Variants in TIMP2 observed in about 807,000 individuals in gnomAD.
The protein encoded by TIMP2 is metalloproteinase inhibitor 2.
A neutral mutation model predicts 24.3 loss-of-function variants in TIMP2; 5 were observed. The observed-to-expected ratio is 0.21, with a 90% confidence interval of 0.11 to 0.43. TIMP2 has a LOEUF of 0.43. Among genes scored for constraint, TIMP2 ranks in the 20% least tolerant of loss-of-function variants. TIMP2 has a pLI of 1.00. For missense variants in TIMP2, 221 were observed against 297.5 expected (o/e 0.74, Z 1.89); for synonymous variants, 130 against 123.2 (o/e 1.06, Z -0.37).
chr17:78,912,977 G>A (rs998701668), intron 1 of TIMP2, among the ~76,000 whole-genome samples: 3 of 152,130 alleles, frequency 2.0e-5, no homozygotes, highest in Admixed American at 6.5e-5. Context: ...GGCCGAGGCG[G>A]GCAGATCACC....
intron 1 of TIMP2, chr17:78,900,079 A>C (rs1173755224): frequency 1.3e-5 from 2 of 152,104 alleles, no homozygotes; most frequent in African/African-American, 4.8e-5. Flanking sequence ...TTGGGATGAT[A>C]ATATAGGAAA....
chr17:78,895,714 G>C (rs1343015098), intron 1 of TIMP2, among the ~76,000 whole-genome samples: 1 of 152,318 alleles, frequency 6.6e-6, no homozygotes, highest in South Asian at 2.1e-4. Context: ...TCACATGGAG[G>C]AGTTGGCCTC....
At chr17:78,874,041 C>T (rs1007388478) in intron 1 of TIMP2, 122 bp from the exon 2 acceptor site, 12 of 794,256 alleles carry the variant, frequency 1.5e-5, no homozygotes, top group East Asian at 2.6e-5. Context: ...CAGCAAGGTG[C>T]GAGACGGGCA....
chr17:78,898,084 A>G (rs1282844473), intron 1 of TIMP2: 4 of 152,210 alleles, frequency 2.6e-5, no homozygotes, highest in African/African-American at 9.7e-5. Context: ...GAGAGGCTGA[A>G]TAACTTTCCC....
At chr17:78,878,262 C>T (rs77678266) in intron 1 of TIMP2, among the ~76,000 whole-genome samples, 2,371 of 152,234 alleles carry the variant, frequency 0.016, 65 homozygotes, top group African/African-American at 0.054. Context: ...TGGATGGCTG[C>T]GTGATCTTTG....
chr17:78,860,769 C>T (rs1468552745), intron 3 of TIMP2, among the ~76,000 whole-genome samples: 1 of 152,204 alleles, frequency 6.6e-6, no homozygotes, highest in Non-Finnish European at 1.5e-5. Flanking sequence ...GGCATGGTGG[C>T]TCACACCTGT....
Position 78,891,931 on chromosome 17 carries a change from G to A in TIMP2, c.131-18012C>T, listed in dbSNP as rs905804280. 5.2e-6 allele frequency: 8 copies of A among 1,550,458 alleles called. No individual in the cohort carries two copies. The African/African-American group carries it at 6.8e-5, about 13-fold the overall frequency. On this transcript the variant is annotated intron_variant, in intron 1 of 4. Coordinates refer to ENST00000262768, the MANE Select transcript of TIMP2 (RefSeq NM_003255.5). This position sits in a 1 kb window ranked among gnomAD's most constrained non-coding sequence, Gnocchi z 4.5. ...TCGCTGCTGTCTTCCGGGGCCTGGA[G>A]TGCCTGGGGTGTTGCTGGCCCAACT... is the stretch of plus-strand genomic sequence containing the variant.
intron 1 of TIMP2, among the ~76,000 whole-genome samples, chr17:78,916,155 G>A (rs75970925): frequency 0.013 from 2,004 of 152,248 alleles, 29 homozygotes; most frequent in African/African-American, 0.045. Flanking sequence ...CACTAGCTCC[G>A]AGAGCTTCCT....
Position 78,853,970 on chromosome 17 carries a change from C to G in TIMP2, c.*1697G>C, listed in dbSNP as rs141350155. The G allele has an allele frequency of 1.3e-5, 2 of 152,234 alleles. No homozygotes were observed. The highest frequency in any genetic ancestry group is 4.8e-5 in the African/African-American group (2 of 41,520). The allele number at this position is 152,234 out of a possible 1,614,324, so 9.4% of individuals were successfully genotyped here. The stretch of plus-strand genomic sequence containing the variant: ...GGTCACTGTACAGCATGAAAACGCC[C>G]GTGGGGCAGGGGCCGATTCCTGGAT... On this transcript the variant is annotated 3_prime_UTR_variant, in exon 5 of 5. Coordinates refer to ENST00000262768, the MANE Select transcript of TIMP2 (RefSeq NM_003255.5).
At chr17:78,879,330 T>G (rs4796815) in intron 1 of TIMP2, among the ~76,000 whole-genome samples, 142,527 of 152,224 alleles carry the variant, frequency 0.94, 66,858 homozygotes, top group African/African-American at 0.98. Flanking sequence ...GGACCACCAG[T>G]TCTGTAGGGG....
Position 78,925,096 on chromosome 17 carries a change from CGGGGGGCTGGGCGGGCG to C in TIMP2, c.-25_-9del, listed in dbSNP as rs2070340118. ...GCGGGCCGCGGCGCCCATGGCGGGC[CGGGGGGCTGGGCGGGCG>C]GGGGCCGCCGCTGGGGGGTCCGGGC... On this transcript the variant is annotated 5_prime_UTR_variant, in exon 1 of 5. Coordinates refer to ENST00000262768, the MANE Select transcript of TIMP2 (RefSeq NM_003255.5). The C allele has an allele frequency of 1.1e-4, 3 of 26,806 alleles. No homozygotes were observed. The highest frequency in any genetic ancestry group is 1.7e-4 in the Non-Finnish European group (3 of 17,304). 1.7% of individuals were successfully genotyped at this position (26,806 alleles called of 1,614,324 possible).
Position 78,924,878 on chromosome 17 carries a change from G to C in TIMP2, c.130+81C>G, listed in dbSNP as rs1377465050. On this transcript the variant is annotated intron_variant, in intron 1 of 4. Coordinates refer to ENST00000262768, the MANE Select transcript of TIMP2 (RefSeq NM_003255.5). The surrounding 1 kb of genome is among the most constrained non-coding windows in gnomAD (Gnocchi z 5.3). The stretch of plus-strand genomic sequence containing the variant: ...GCGCTGGGGTCCCTCGGCCAGCGGC[G>C]GGCGGGCGGGGCGTCTGCGAACCCT... 1 of 941,820 alleles carries C rather than the reference G, an allele frequency of 1.1e-6. No individual in the cohort carries two copies. The highest frequency in any genetic ancestry group is 1.3e-6 in the Non-Finnish European group (1 of 751,084). 58.3% of individuals were successfully genotyped at this position (941,820 alleles called of 1,614,324 possible).
chr17:78,915,297 G>A (rs1811939579), intron 1 of TIMP2, among the ~76,000 whole-genome samples: 1 of 152,106 alleles, frequency 6.6e-6, no homozygotes, highest in South Asian at 2.1e-4. Flanking sequence ...TGTTGCGGCA[G>A]GGAGAAAGAT....
At chr17:78,911,159 T>C (rs1186827407) in intron 1 of TIMP2, among the ~76,000 whole-genome samples, 1 of 152,154 alleles carries the variant, frequency 6.6e-6, no homozygotes, top group Non-Finnish European at 1.5e-5. Flanking sequence ...ACTCTTGATC[T>C]GGACTGAGGG....
At chr17:78,857,696 T>C (rs1226633877) in intron 3 of TIMP2, 50 bp from the exon 4 acceptor site, 1 of 1,610,964 alleles carries the variant, frequency 6.2e-7, no homozygotes, top group East Asian at 2.2e-5. Flanking sequence ...AAAGTCCTCC[T>C]CCTGCCCAGC....
At chr17:78,858,106 TA>T (rs563298620) in intron 3 of TIMP2, among the ~76,000 whole-genome samples, 202 of 150,896 alleles carry the variant, frequency 1.3e-3, no homozygotes, top group African/African-American at 4.8e-3. Flanking sequence ...AAGAAAGCCA[TA>T]ATGCATGTTC....
At chr17:78,883,676 G>C (rs1166761475) in intron 1 of TIMP2, among the ~76,000 whole-genome samples, 2 of 152,148 alleles carry the variant, frequency 1.3e-5, no homozygotes, top group East Asian at 3.9e-4. Context: ...TGGCCACTGG[G>C]TGCCCGTCTC....
At chr17:78,864,391 T>TC (rs2069592455) in intron 3 of TIMP2, among the ~76,000 whole-genome samples, 4 of 131,848 alleles carry the variant, frequency 3.0e-5, no homozygotes, top group Non-Finnish European at 6.3e-5. Flanking sequence ...CTCCCTCCCT[T>TC]CCTTCCTTCC....
Position 78,891,662 on chromosome 17 carries a change from A to T in TIMP2, c.131-17743T>A. The T allele has an allele frequency of 6.4e-7, 1 of 1,550,896 alleles. No individual in the cohort carries two copies. Among genetic ancestry groups the T allele is most frequent in the Non-Finnish European group, 8.7e-7 (1 of 1,147,060 alleles). ...AACAAAGCAAACTGCCCCCTTTCCC[A>T]GTTGCCTCCTCCCCGCCCGAGCTGT... On this transcript the variant is annotated intron_variant, in intron 1 of 4. Coordinates refer to ENST00000262768, the MANE Select transcript of TIMP2 (RefSeq NM_003255.5). The surrounding 1 kb of genome is among the most constrained non-coding windows in gnomAD (Gnocchi z 4.5).
Sources: gnomAD v4.1 joint callset for allele counts (sites outside exome capture counted in the v4.1 genomes callset) on GRCh38, gnomAD v4.1.1 for gene constraint, Gnocchi (gnomAD v3.1) non-coding constraint, MANE v1.5 for transcripts, NCBI Gene and HGNC (gene_info 2026-07-23, HGNC 2026-07-21) for gene names.